The following CDH12 variants were observed in gnomAD, a reference collection of about 807,000 sequenced individuals.
CDH12 encodes cadherin 12.
In CDH12, 41 loss-of-function variants were observed where a neutral mutation model predicts 74.1. The observed-to-expected ratio is 0.55, with a 90% CI of 0.43 to 0.72. CDH12 has a LOEUF of 0.72. Ranked by LOEUF, CDH12 falls within the 30% of genes least tolerant of loss-of-function variation. CDH12 has a pLI of 0.00. For missense variants in CDH12, 945 were observed against 977.2 expected (o/e 0.97, Z 0.44); for synonymous variants, 399 against 355.0 (o/e 1.12, Z -1.39).
chr5:22,042,196 A>T (rs114786771), intron 5 of CDH12, among the ~76,000 whole-genome samples: 114 of 151,474 alleles, frequency 7.5e-4, no homozygotes, highest in African/African-American at 2.8e-3. Context: ...TGCCTACATT[A>T]AAAAAAAATT....
intron 1 of CDH12, among the ~76,000 whole-genome samples, chr5:22,684,072 T>A (rs1195374167): frequency 6.6e-6 from 1 of 152,232 alleles, no homozygotes; most frequent in Admixed American, 6.5e-5. Flanking sequence ...GGGAGTCCTA[T>A]CTCCCATGAT....
intron 1 of CDH12, among the ~76,000 whole-genome samples, chr5:22,783,129 G>A (rs967147477): frequency 6.6e-6 from 1 of 152,010 alleles, no homozygotes; most frequent in African/African-American, 2.4e-5. Context: ...AAAATGACTA[G>A]GTTTTGCTTT....
intron 3 of CDH12, among the ~76,000 whole-genome samples, chr5:22,400,515 T>C (rs953140903): frequency 2.0e-5 from 3 of 152,002 alleles, no homozygotes; most frequent in Admixed American, 2.0e-4. Flanking sequence ...GGCTGAACCT[T>C]GAACCCCTGT....
intron 1 of CDH12, among the ~76,000 whole-genome samples, chr5:22,636,830 A>G (rs192786474): frequency 9.9e-4 from 151 of 152,342 alleles, no homozygotes; most frequent in Non-Finnish European, 1.5e-3. Flanking sequence ...TGTGAATTAT[A>G]TCTCAATAAA....
At chr5:22,542,738 T>C (rs966935236) in intron 1 of CDH12, among the ~76,000 whole-genome samples, 1 of 152,144 alleles carries the variant, frequency 6.6e-6, no homozygotes, top group Non-Finnish European at 1.5e-5. Context: ...AATAGTACAC[T>C]TGTCAACAGA....
chr5:22,700,887 TAGAG>T (rs757879802), intron 1 of CDH12, among the ~76,000 whole-genome samples: 2 of 152,214 alleles, frequency 1.3e-5, no homozygotes, highest in Non-Finnish European at 2.9e-5. Flanking sequence ...TTTTAATAAA[TAGAG>T]AGTTGTAAGA....
chr5:22,312,911 A>C (rs1353825887), intron 3 of CDH12, among the ~76,000 whole-genome samples: 1 of 152,190 alleles, frequency 6.6e-6, no homozygotes, highest in African/African-American at 2.4e-5. Context: ...GATGGCTTCT[A>C]CTTTCCCCTT....
intron 3 of CDH12, among the ~76,000 whole-genome samples, chr5:22,269,897 C>T (rs1736306831): frequency 6.6e-6 from 1 of 152,086 alleles, no homozygotes; most frequent in Non-Finnish European, 1.5e-5. Flanking sequence ...CATTTGAAAA[C>T]AAATCATCAT....
chr5:21,846,558 T>C (rs1750181052), intron 7 of CDH12, among the ~76,000 whole-genome samples: 1 of 152,154 alleles, frequency 6.6e-6, no homozygotes, highest in Admixed American at 6.6e-5. Context: ...TTTATTATTT[T>C]GTGATATCTT....
chr5:21,871,286 A>G (rs1238251886), intron 6 of CDH12, among the ~76,000 whole-genome samples: 1 of 152,194 alleles, frequency 6.6e-6, no homozygotes, highest in Non-Finnish European at 1.5e-5. Context: ...TGTGGTCTCA[A>G]GCAAATTTAT....
intron 1 of CDH12, among the ~76,000 whole-genome samples, chr5:22,781,305 A>G (rs1390130807): frequency 6.6e-6 from 1 of 152,214 alleles, no homozygotes; most frequent in Admixed American, 6.5e-5. Flanking sequence ...ATATTTTTGC[A>G]TGGTCTAGAA....
intron 3 of CDH12, among the ~76,000 whole-genome samples, chr5:22,382,977 C>T (rs1741834487): frequency 6.6e-6 from 1 of 152,022 alleles, no homozygotes; most frequent in Admixed American, 6.6e-5. Context: ...ATTTCTGGAG[C>T]GCGCCGCTAC....
At chr5:22,760,367 G>C (rs1020824602) in intron 1 of CDH12, among the ~76,000 whole-genome samples, 8 of 152,128 alleles carry the variant, frequency 5.3e-5, no homozygotes, top group African/African-American at 1.9e-4. Flanking sequence ...CAAATAGCAG[G>C]TACCAGTAGG....
At chr5:22,213,652 C>T (rs1430506216) in intron 3 of CDH12, 1 of 152,116 alleles carries the variant, frequency 6.6e-6, no homozygotes, top group East Asian at 1.9e-4. Context: ...ATCTAACTCT[C>T]TGGAAAAGGT....
chr5:22,123,370 T>C (rs1356474454), intron 4 of CDH12, among the ~76,000 whole-genome samples: 5 of 152,206 alleles, frequency 3.3e-5, no homozygotes, highest in Non-Finnish European at 7.3e-5. Context: ...ACCTAGTCTA[T>C]GGTAGTTTGC....
chr5:22,750,679 G>C (rs1745519944), intron 1 of CDH12, among the ~76,000 whole-genome samples: 1 of 152,076 alleles, frequency 6.6e-6, no homozygotes, highest in African/African-American at 2.4e-5. Flanking sequence ...GTTTAGTTTT[G>C]GGATACTGAT....
chr5:22,218,270 A>G (rs571946765), intron 3 of CDH12, among the ~76,000 whole-genome samples: 1 of 151,698 alleles, frequency 6.6e-6, no homozygotes, highest in Non-Finnish European at 1.5e-5. Flanking sequence ...AAAAAAGCAT[A>G]TTTCCATTCA....
chr5:22,592,694 C>T (rs1045436043), intron 1 of CDH12, among the ~76,000 whole-genome samples: 1 of 149,880 alleles, frequency 6.7e-6, no homozygotes, highest in Middle Eastern at 3.4e-3. Context: ...CCACCACCTC[C>T]ACCCAATCCA....
At chr5:22,690,185 C>T (rs996452031) in intron 1 of CDH12, among the ~76,000 whole-genome samples, 14 of 152,076 alleles carry the variant, frequency 9.2e-5, no homozygotes, top group African/African-American at 3.4e-4. Flanking sequence ...TTGCACAAAA[C>T]TGTGTTGTAT....
Sources: allele counts gnomAD v4.1 joint callset (sites outside exome capture counted in the v4.1 genomes callset), GRCh38; gene constraint gnomAD v4.1.1; transcripts MANE v1.5; gene names NCBI Gene and HGNC (gene_info 2026-07-23, HGNC 2026-07-21).